TMCC1: variants seen among roughly 807,000 people sequenced by gnomAD.
The protein encoded by TMCC1 is transmembrane and coiled-coil domain family 1, also known as transmembrane and coiled-coil domains protein 1.
TMCC1 carries 15 observed loss-of-function variants against 52.4 expected under a neutral mutation model. The ratio of observed to expected loss-of-function variants is 0.29; its 90% confidence interval spans 0.19 to 0.44. The LOEUF is 0.44. Ranked by LOEUF, TMCC1 falls within the 20% of genes least tolerant of loss-of-function variation. The probability of loss-of-function intolerance (pLI) is 1.00; values close to 1 mark genes in which losing one functional copy is unlikely to be tolerated. For synonymous variants in TMCC1, 279 were observed against 301.9 expected (o/e 0.92, Z 0.79); for missense variants, 503 against 806.0 (o/e 0.62, Z 4.55).
At chr3:129,851,995 C>CA (rs932651936) in intron 2 of TMCC1, among the ~76,000 whole-genome samples, 3 of 150,950 alleles carry the variant, frequency 2.0e-5, no homozygotes, top group African/African-American at 7.3e-5. Context: ...ACTAAAAATT[C>CA]AAAAAAAATT....
chr3:129,829,875 C>T (rs2058830114), intron 3 of TMCC1, among the ~76,000 whole-genome samples: 1 of 152,186 alleles, frequency 6.6e-6, no homozygotes, highest in East Asian at 1.9e-4. Context: ...TGACTACTCT[C>T]AGAAGACTTT....
chr3:129,828,157 C>T lies in TMCC1; in HGVS notation c.222G>A (p.Gln74=), dbSNP rs768175297. Residue 74 remains glutamine, a synonymous_variant, in exon 4 of 7, where the codon CAG becomes CAA. Transcript: ENST00000393238. This position sits in a 1 kb window ranked among gnomAD's most constrained non-coding sequence, Gnocchi z 4.1. The part of the protein sequence containing the change: ...SVSPHDVQQI[Q]ADPEPEMDLE... ...GATCCATTTCAGGTTCTGGATCTGC[C>T]TGAATTTGCTGCACATCATGTGGAG... The T allele has an allele frequency of 1.9e-6, 3 of 1,614,122 alleles. No homozygotes were observed. Among genetic ancestry groups the T allele is most frequent in the Non-Finnish European group, 2.5e-6 (3 of 1,180,020 alleles).
intron 1 of TMCC1, among the ~76,000 whole-genome samples, chr3:129,888,930 T>C (rs988183207): frequency 1.3e-5 from 2 of 152,156 alleles, no homozygotes; most frequent in African/African-American, 2.4e-5. Flanking sequence ...ATTCTTGGCC[T>C]AACCACAATG....
intron 1 of TMCC1, among the ~76,000 whole-genome samples, chr3:129,882,725 A>G (rs1450178163): frequency 6.6e-6 from 1 of 152,222 alleles, no homozygotes; most frequent in African/African-American, 2.4e-5. Context: ...ATACTACAAC[A>G]TGGATGAACC....
intron 4 of TMCC1, among the ~76,000 whole-genome samples, chr3:129,707,178 A>G (rs1441793148): frequency 6.6e-6 from 1 of 152,216 alleles, no homozygotes; most frequent in Admixed American, 6.5e-5. Flanking sequence ...TCATGGCCCT[A>G]TATTCACTTC....
chr3:129,691,654 C>CA (rs1208655905), intron 4 of TMCC1, among the ~76,000 whole-genome samples: 2 of 152,090 alleles, frequency 1.3e-5, no homozygotes, highest in Non-Finnish European at 2.9e-5. Flanking sequence ...CATGGTGGTA[C>CA]ATGCCTGTAG....
intron 4 of TMCC1, among the ~76,000 whole-genome samples, chr3:129,763,542 CAA>C (rs11354197): frequency 3.8e-3 from 168 of 44,636 alleles, no homozygotes; most frequent in East Asian, 0.01. Context: ...GACCCTGTCT[CAA>C]AAAAAAAAAA....
At chr3:129,778,184 CAT>C (rs964051142) in intron 4 of TMCC1, among the ~76,000 whole-genome samples, 2 of 152,200 alleles carry the variant, frequency 1.3e-5, no homozygotes, top group Non-Finnish European at 2.9e-5. Flanking sequence ...TTAAACAAGA[CAT>C]ATTCTTCTAA....
At chr3:129,792,897 T>C (rs1048924053) in intron 4 of TMCC1, among the ~76,000 whole-genome samples, 6 of 152,144 alleles carry the variant, frequency 3.9e-5, no homozygotes, top group Admixed American at 6.5e-5. Context: ...GTCATATACA[T>C]AGTATAGAGT....
At chr3:129,782,195 A>G (rs1053835933) in intron 4 of TMCC1, among the ~76,000 whole-genome samples, 5 of 152,150 alleles carry the variant, frequency 3.3e-5, no homozygotes, top group African/African-American at 1.2e-4. Context: ...ACATTTGAGA[A>G]TTTTCACATA....
chr3:129,816,754 T>G (rs1002273826), intron 4 of TMCC1, among the ~76,000 whole-genome samples: 1 of 152,206 alleles, frequency 6.6e-6, no homozygotes, highest in Non-Finnish European at 1.5e-5. Context: ...CCAGGCATAA[T>G]GGCTCATGCT....
At chr3:129,786,573 T>C (rs2056053115) in intron 4 of TMCC1, among the ~76,000 whole-genome samples, 1 of 152,220 alleles carries the variant, frequency 6.6e-6, no homozygotes, top group African/African-American at 2.4e-5. Context: ...TTTTCAAGTC[T>C]ACCTCAGGTT....
intron 4 of TMCC1, among the ~76,000 whole-genome samples, chr3:129,766,215 T>G (rs1468341048): frequency 3.3e-5 from 5 of 152,182 alleles, no homozygotes; most frequent in Non-Finnish European, 7.3e-5. Context: ...CCCTAATCCC[T>G]GTATGAGCCA....
chr3:129,756,685 C>T lies in TMCC1; in HGVS notation c.576+71118G>A, dbSNP rs144515868. Among the ~76,000 whole-genome samples the T allele has an allele frequency of 3.5e-3, 536 of 152,304 alleles. 1 individual carries two copies. Among genetic ancestry groups the T allele is most frequent in the Middle Eastern group, 0.017 (5 of 294 alleles). On this transcript the variant is annotated intron_variant, in intron 4 of 6. Coordinates refer to ENST00000393238, the MANE Select transcript of TMCC1 (RefSeq NM_001017395.5). The stretch of plus-strand genomic sequence containing the variant: ...GTGCTGGGATTACAGGCGTGAGCCA[C>T]CGCACCCGGCCAGATGGATGAATCT...
rs1292946418 is a variant in TMCC1 at position 129,648,786 on chromosome 3, C to T, written c.*2695G>A. The stretch of plus-strand genomic sequence containing the variant: ...AGGTTATAGAAGAGCTCTGACAAGA[C>T]AAAAGAACCCAAGAACAACCACAAT... On this transcript the variant is annotated 3_prime_UTR_variant, in exon 7 of 7. Coordinates refer to ENST00000393238, the MANE Select transcript of TMCC1 (RefSeq NM_001017395.5). The T allele has an allele frequency of 2.6e-5, 4 of 151,648 alleles. No individual in the cohort carries two copies. The highest frequency in any genetic ancestry group is 4.4e-5 in the Non-Finnish European group (3 of 67,954). 9.4% of individuals were successfully genotyped at this position (151,648 alleles called of 1,614,324 possible).
chr3:129,831,768 C>T (rs2058927632), intron 3 of TMCC1, among the ~76,000 whole-genome samples: 1 of 152,168 alleles, frequency 6.6e-6, no homozygotes, highest in South Asian at 2.1e-4. Context: ...CAAAGTTGTA[C>T]AGGGACACCC....
intron 4 of TMCC1, among the ~76,000 whole-genome samples, chr3:129,784,232 A>G (rs1486761346): frequency 6.6e-6 from 1 of 152,194 alleles, no homozygotes; most frequent in Non-Finnish European, 1.5e-5. Flanking sequence ...AGTGAATTAA[A>G]ACAGAAAAAA....
At chr3:129,866,059 A>T (rs1039205947) in intron 2 of TMCC1, among the ~76,000 whole-genome samples, 2 of 151,994 alleles carry the variant, frequency 1.3e-5, no homozygotes, top group Admixed American at 1.3e-4. Flanking sequence ...CAACAACAGA[A>T]TAAGATATGC....
intron 4 of TMCC1, among the ~76,000 whole-genome samples, chr3:129,720,894 T>C (rs1374139538): frequency 1.3e-5 from 2 of 151,996 alleles, no homozygotes; most frequent in African/African-American, 4.8e-5. Context: ...GCTCTCACTA[T>C]GTTGCTCACG....
Sources: allele counts gnomAD v4.1 joint callset (sites outside exome capture counted in the v4.1 genomes callset), GRCh38; gene constraint gnomAD v4.1.1; non-coding constraint Gnocchi (gnomAD v3.1); transcripts MANE v1.5; gene names NCBI Gene and HGNC (gene_info 2026-07-23, HGNC 2026-07-21).